Variants in CEP250 observed in about 807,000 individuals in gnomAD.
CEP250 encodes the protein centrosome-associated protein CEP250.
Under a neutral mutation model 315.7 loss-of-function variants are expected in CEP250, and 242 were observed. That is an observed-to-expected ratio of 0.77 (90% CI 0.69 to 0.85). CEP250 has a LOEUF of 0.85. Ranked by LOEUF, CEP250 falls within the 40% of genes least tolerant of loss-of-function variation. CEP250 has a pLI of 0.00. For missense variants in CEP250, 2,515 were observed against 2,886.4 expected (o/e 0.87, Z 2.95); for synonymous variants, 1,088 against 1,175.0 (o/e 0.93, Z 1.51).
chr20:35,473,582 C>G (rs764898449), intron 13 of CEP250, 30 bp downstream of exon 13: 2 of 1,574,372 alleles, frequency 1.3e-6, no homozygotes, highest in Non-Finnish European at 1.7e-6. Flanking sequence ...ATCCCACCCT[C>G]CCAGCCTGGT....
At chr20:35,465,509 G>A (rs1290199065) in intron 5 of CEP250, among the ~76,000 whole-genome samples, 1 of 151,858 alleles carries the variant, frequency 6.6e-6, no homozygotes. Flanking sequence ...ATTAGTGAAA[G>A]ATACATCACT....
Position 35,514,677 on chromosome 20 carries a change from T to C in CEP250, c.*3051T>C, listed in dbSNP as rs1165369597. ...AAGGAGGAGAAGCTGGTGGTGTATG[T>C]TGAGATAAGGAGGGTGGGGAGTGTA... On this transcript the variant is annotated 3_prime_UTR_variant, in exon 35 of 35. Transcript: ENST00000397527. 6.6e-6 allele frequency: 1 copy of C among 152,090 alleles called. No homozygotes were observed. 9.4% of individuals were successfully genotyped at this position (152,090 alleles called of 1,614,324 possible).
At chr20:35,493,727 G>T (rs1423276503) in intron 23 of CEP250, among the ~76,000 whole-genome samples, 155 bp downstream of exon 23, 1 of 152,178 alleles carries the variant, frequency 6.6e-6, no homozygotes, top group African/African-American at 2.4e-5. Flanking sequence ...ATTAGAGGGT[G>T]CTCAGAGTTG....
At chr20:35,496,029 T>C (rs1048690690) in intron 24 of CEP250, among the ~76,000 whole-genome samples, 3 of 152,142 alleles carry the variant, frequency 2.0e-5, no homozygotes, top group Non-Finnish European at 4.4e-5. Flanking sequence ...GTTAGGACAC[T>C]GTGTGGATGG....
chr20:35,508,220 C>A, intron 32 of CEP250, 30 bp downstream of exon 32: 5 of 1,611,930 alleles, frequency 3.1e-6, no homozygotes, highest in Non-Finnish European at 4.2e-6. Flanking sequence ...AGTGGGCATG[C>A]ATCTCCACTT....
At position 35,497,655 on chromosome 20, in the gene CEP250, T is replaced by C; in HGVS notation, c.3307-64T>C. 5.1e-6 allele frequency: 6 copies of C among 1,186,066 alleles called. No homozygotes were observed. In the South Asian group the frequency reaches 9.0e-5, roughly 18 times the overall value. 73.5% of individuals were successfully genotyped at this position (1,186,066 alleles called of 1,614,324 possible). On this transcript the variant is annotated intron_variant, in intron 25 of 34. Coordinates refer to ENST00000397527, the MANE Select transcript of CEP250 (RefSeq NM_007186.6). ...TACAAGGATTGAGTGGGGTCTGGCC[T>C]GGGAAGGCCTGAGGAGAGGGTATCC...
At chr20:35,487,726 G>A (rs1340861490) in intron 20 of CEP250, among the ~76,000 whole-genome samples, 2 of 151,858 alleles carry the variant, frequency 1.3e-5, no homozygotes, top group African/African-American at 4.8e-5. Context: ...CTAGAGGCCA[G>A]GAGTTCGAGA....
rs776406650 is a variant in CEP250 at position 35,502,819 on chromosome 20, A to G, written c.4450A>G (p.Lys1484Glu). 3 of 1,614,058 alleles carry G rather than the reference A, an allele frequency of 1.9e-6. No individual in the cohort carries two copies. The highest frequency in any genetic ancestry group is 1.7e-5 in the Admixed American group (1 of 60,004). The change falls in exon 30 of 35, where the codon AAG (lysine) becomes GAG (glutamate). Residue 1484 changes from lysine (K) to glutamate (E), a missense_variant. By Grantham distance (56) the Lys-to-Glu change is moderately conservative. Transcript: ENST00000397527. ...GCAAGAACAGATTCAGGAGCTAGAG[A>G]AGTGTAGGTCTGTTTTAGAGCATCT... ...LQQEQIQELE[K>E]CRSVLEHLPM...
At position 35,500,084 on chromosome 20, in the gene CEP250, G is replaced by A; in HGVS notation, c.3813G>A (p.Glu1271=). 2.5e-6 allele frequency: 4 copies of A among 1,614,118 alleles called. No homozygotes were observed. The highest frequency in any genetic ancestry group is 2.5e-6 in the Non-Finnish European group (3 of 1,180,016). The stretch of plus-strand genomic sequence containing the variant: ...GGGATCAGGTCCAGAAACTGGAAGA[G>A]CGTCTAACTGATACTGAGGCTGAGA... ...VLRDQVQKLE[E]RLTDTEAEKS... Residue 1271 remains glutamate, a synonymous_variant, in exon 28 of 35, where the codon GAG becomes GAA. Coordinates refer to ENST00000397527, the MANE Select transcript of CEP250 (RefSeq NM_007186.6).
chr20:35,515,232 G>C lies in CEP250; in HGVS notation c.*3606G>C, dbSNP rs757853185. The C allele has an allele frequency of 6.6e-6, 1 of 152,372 alleles. No individual in the cohort carries two copies. The highest frequency in any genetic ancestry group is 1.5e-5 in the Non-Finnish European group (1 of 68,182). The allele number at this position is 152,372 out of a possible 1,614,324, so 9.4% of individuals were successfully genotyped here. On this transcript the variant is annotated 3_prime_UTR_variant, in exon 35 of 35. Coordinates refer to ENST00000397527, the MANE Select transcript of CEP250 (RefSeq NM_007186.6). ...TGTTTATCACTCACCCCTGGTTCCA[G>C]TACCAAGGAAAGGCTGGAGCCATTG...
chr20:35,505,589 G>T (rs2064162474), intron 30 of CEP250, among the ~76,000 whole-genome samples: 1 of 147,904 alleles, frequency 6.8e-6, no homozygotes, highest in Non-Finnish European at 1.5e-5. Context: ...GGAGGCGGAG[G>T]TTGCAGTGAG....
intron 10 of CEP250, among the ~76,000 whole-genome samples, chr20:35,470,459 T>C (rs981401118): frequency 6.6e-6 from 1 of 151,682 alleles, no homozygotes; most frequent in African/African-American, 2.4e-5. Context: ...GAAAAGAGAG[T>C]TTATGAAGGG....
chr20:35,509,245 G>A (rs1268113321), intron 33 of CEP250, among the ~76,000 whole-genome samples: 2 of 152,126 alleles, frequency 1.3e-5, no homozygotes, highest in Middle Eastern at 6.3e-3. Context: ...GGGGGTTGGG[G>A]TGGCTAGTGG....
intron 20 of CEP250, among the ~76,000 whole-genome samples, chr20:35,487,650 C>G (rs1263572569): frequency 1.3e-5 from 2 of 150,374 alleles, no homozygotes; most frequent in Non-Finnish European, 3.0e-5. Flanking sequence ...AGAAGTCACT[C>G]AGGGCTGGGC....
intron 20 of CEP250, among the ~76,000 whole-genome samples, chr20:35,486,408 AT>A (rs948174901): frequency 2.7e-3 from 388 of 142,112 alleles, no homozygotes; most frequent in Middle Eastern, 3.7e-3. Context: ...TGCCTGGCTA[AT>A]TTTTTTTTTT....
In CEP250 at chr20:35,479,175, G is replaced by A. The variant is rs373660935; in HGVS notation, c.2095-56G>A. 60 of 1,542,734 alleles carry A rather than the reference G, an allele frequency of 3.9e-5. No individual in the cohort carries two copies. The East Asian group carries it at 4.7e-4, about 12-fold the overall frequency. ...AGGCAATGACCCTAACCTGGTGGTA[G>A]CGGCCCCAGGGGAATCCAGCCTCTG... On this transcript the variant is annotated intron_variant, in intron 17 of 34. Transcript: ENST00000397527.
chr20:35,511,590 C>T lies in CEP250; in HGVS notation c.7293C>T (p.His2431=). ...CATCCCCAGGGCCAGTCCTGCTACA[C>T]CCCAGCCCCAGCACTACCCAAGCCG... ...SLTSPGPVLL[H]PSPSTTQAAS... is the part of the protein sequence containing the mutation. The change falls in exon 35 of 35, where the codon CAC becomes CAT. Residue 2431 remains histidine (H), a synonymous_variant. Transcript: ENST00000397527. 6.2e-7 allele frequency: 1 copy of T among 1,613,118 alleles called. No homozygotes were observed. Among genetic ancestry groups the T allele is most frequent in the Non-Finnish European group, 8.5e-7 (1 of 1,179,754 alleles).
At chr20:35,491,095 C>A in intron 21 of CEP250, 117 bp from the exon 22 acceptor site, 1 of 1,306,698 alleles carries the variant, frequency 7.7e-7, no homozygotes, top group Non-Finnish European at 1.1e-6. Context: ...TTCCTTTGCC[C>A]TCAGCCCCTT....
chr20:35,493,447 C>T lies in CEP250; in HGVS notation c.2908C>T (p.Gln970Ter). The change falls in exon 23 of 35, where the codon CAG (glutamine) becomes TAG (stop). Residue 970 changes from glutamine to a stop codon, truncating the protein, a stop_gained. Coordinates refer to ENST00000397527, the MANE Select transcript of CEP250 (RefSeq NM_007186.6). LOFTEE classifies it high-confidence loss of function. ...LKEQETTGIL[Q>*]TQLQEAQREL... ...TCTTCAGGAGACCACTGGGATACTA[C>T]AGACCCAGCTCCAGGAGGCTCAACG... 1.9e-6 allele frequency: 3 copies of T among 1,607,164 alleles called. No individual in the cohort carries two copies. The highest frequency in any genetic ancestry group is 2.5e-6 in the Non-Finnish European group (3 of 1,177,058).
Sources: gnomAD v4.1 joint callset for allele counts (sites outside exome capture counted in the v4.1 genomes callset) on GRCh38, gnomAD v4.1.1 for gene constraint, MANE v1.5 for transcripts, NCBI Gene and HGNC (gene_info 2026-07-23, HGNC 2026-07-21) for gene names.